Variants in CDK14 observed in about 807,000 individuals in gnomAD.
The protein encoded by CDK14 is cyclin dependent kinase 14, also known as cyclin-dependent kinase 14.
CDK14 carries 34 observed loss-of-function variants against 60.7 expected under a neutral mutation model. The ratio of observed to expected loss-of-function variants is 0.56; its 90% CI spans 0.43 to 0.75. CDK14 has a LOEUF of 0.75. CDK14 is among the 30% of genes least tolerant of loss of function. The pLI is 0.00. For missense variants in CDK14, 482 were observed against 564.1 expected, an observed-to-expected ratio of 0.85 and a Z score of 1.47; for synonymous variants, 197 against 203.7, an observed-to-expected ratio of 0.97 and a Z score of 0.28.
At chr7:90,661,079 T>C (rs545739402) in intron 2 of CDK14, among the ~76,000 whole-genome samples, 20 of 152,276 alleles carry the variant, frequency 1.3e-4, no homozygotes, top group African/African-American at 4.8e-4. Flanking sequence ...ATTCGTCATA[T>C]GGTTATTCCC....
intron 3 of CDK14, among the ~76,000 whole-genome samples, chr7:90,732,948 ATCTTTCCTGCTT>A (rs1221008586): frequency 6.6e-6 from 1 of 151,778 alleles, no homozygotes; most frequent in Non-Finnish European, 1.5e-5. Context: ...TCAATTTTAG[ATCTTTCCTGCTT>A]TCTCTTGTGG....
At position 90,772,455 on chromosome 7, in the gene CDK14, C is replaced by A. The variant is rs184320673; in HGVS notation, c.465-18118C>A. Among the ~76,000 whole-genome samples, 25 of 152,256 alleles carry A rather than the reference C, an allele frequency of 1.6e-4. 1 individual carries two copies. Among genetic ancestry groups the A allele is most frequent in the South Asian group, 1.5e-3 (7 of 4,824 alleles). ...AAATTTAATGTTGAATTGTAACTCC[C>A]AATGTTTGGGGAGGGACCTTGTGGG... On this transcript the variant is annotated intron_variant, in intron 4 of 14. Coordinates refer to ENST00000380050, the MANE Select transcript of CDK14 (RefSeq NM_001287135.2).
chr7:90,680,673 T>A (rs10276479), intron 2 of CDK14, among the ~76,000 whole-genome samples: 38,976 of 152,144 alleles, frequency 0.26, 5,083 homozygotes, highest in African/African-American at 0.29. Flanking sequence ...ATATCAGATA[T>A]GCATAATATG....
intron 4 of CDK14, among the ~76,000 whole-genome samples, chr7:90,771,625 G>A (rs1584875440): frequency 6.6e-6 from 1 of 152,208 alleles, no homozygotes; most frequent in Non-Finnish European, 1.5e-5. Context: ...GGATAGGCTT[G>A]AGAAGATCAC....
chr7:90,746,211 T>C (rs1207717178), intron 3 of CDK14, among the ~76,000 whole-genome samples: 1 of 152,234 alleles, frequency 6.6e-6, no homozygotes. Context: ...TGATTAGATA[T>C]TGGCACTCTT....
intron 2 of CDK14, among the ~76,000 whole-genome samples, chr7:90,697,721 TA>T (rs1801689936): frequency 6.6e-6 from 1 of 152,114 alleles, no homozygotes. Flanking sequence ...GTAGAATATC[TA>T]AATAGTATTA....
At chr7:91,173,218 T>C (rs531672698) in intron 14 of CDK14, among the ~76,000 whole-genome samples, 1 of 152,288 alleles carries the variant, frequency 6.6e-6, no homozygotes, top group South Asian at 2.1e-4. Flanking sequence ...TAGTACTTAT[T>C]CTGTTCTTCC....
chr7:90,615,463 G>C (rs1799631758), intron 2 of CDK14, among the ~76,000 whole-genome samples: 1 of 152,214 alleles, frequency 6.6e-6, no homozygotes, highest in Non-Finnish European at 1.5e-5. Flanking sequence ...TTCTAGTCTA[G>C]CAGATCTCGA....
chr7:90,919,467 A>C (rs1232439818), intron 8 of CDK14, among the ~76,000 whole-genome samples: 2 of 152,156 alleles, frequency 1.3e-5, no homozygotes, highest in Non-Finnish European at 2.9e-5. Context: ...CCAAATTGAA[A>C]TATAATTTTT....
At position 90,790,610 on chromosome 7, in the gene CDK14, C is replaced by T. The variant is rs1373969717; in HGVS notation, c.502C>T (p.Leu168=). 6 of 1,612,774 alleles carry T rather than the reference C, an allele frequency of 3.7e-6. No individual in the cohort carries two copies. The highest frequency in any genetic ancestry group is 5.1e-6 in the Non-Finnish European group (6 of 1,179,154). ...GTTGGTAGCTCTGAAGGTGATCAGG[C>T]TGCAGGAAGAAGAAGGGACACCTTT... ...GKLVALKVIR[L]QEEEGTPFTA... The change falls in exon 5 of 15, where the codon CTG becomes TTG. Residue 168 remains leucine (L), a synonymous_variant. Transcript: ENST00000380050.
intron 2 of CDK14, among the ~76,000 whole-genome samples, chr7:90,691,264 A>G (rs1801546924): frequency 6.6e-6 from 1 of 151,884 alleles, no homozygotes; most frequent in Non-Finnish European, 1.5e-5. Flanking sequence ...GATAATAAAG[A>G]CACAGGTAAA....
intron 2 of CDK14, among the ~76,000 whole-genome samples, chr7:90,715,897 TC>T (rs1449104391): frequency 1.3e-5 from 2 of 151,694 alleles, no homozygotes. Flanking sequence ...ATCTCTTGTG[TC>T]CCATTTCTGA....
chr7:91,182,742 A>G (rs1253847040), intron 14 of CDK14, among the ~76,000 whole-genome samples: 1 of 152,194 alleles, frequency 6.6e-6, no homozygotes, highest in Non-Finnish European at 1.5e-5. Context: ...GGAGAGAACA[A>G]AAGGAAAAAA....
chr7:90,961,986 G>GTTA (rs2117592863), intron 9 of CDK14, among the ~76,000 whole-genome samples: 1 of 152,340 alleles, frequency 6.6e-6, no homozygotes, highest in South Asian at 2.1e-4. Context: ...TAACACATTT[G>GTTA]AGTGTTTAAT....
intron 2 of CDK14, among the ~76,000 whole-genome samples, chr7:90,711,941 C>G (rs1272121355): frequency 7.6e-6 from 1 of 131,150 alleles, no homozygotes; most frequent in African/African-American, 2.9e-5. Context: ...CCAGGTTTGT[C>G]TTGAGCTCCT....
chr7:90,926,938 CT>C (rs1474734041), intron 8 of CDK14, among the ~76,000 whole-genome samples: 1 of 152,034 alleles, frequency 6.6e-6, no homozygotes, highest in Non-Finnish European at 1.5e-5. Context: ...CTTATATTTT[CT>C]GGTTGACTAT....
chr7:91,084,644 C>A (rs956490983), intron 12 of CDK14, among the ~76,000 whole-genome samples: 1 of 152,210 alleles, frequency 6.6e-6, no homozygotes, highest in African/African-American at 2.4e-5. Flanking sequence ...TCATTAATAA[C>A]CCCTGGTGAT....
chr7:90,709,681 A>G (rs1218933880), intron 2 of CDK14: 1 of 1,561,380 alleles, frequency 6.4e-7, no homozygotes, highest in Middle Eastern at 1.7e-4. Context: ...AAAGCTATTG[A>G]TACTGAATGT....
intron 8 of CDK14, among the ~76,000 whole-genome samples, chr7:90,952,576 A>G (rs1315094082): frequency 1.3e-5 from 2 of 152,196 alleles, no homozygotes; most frequent in African/African-American, 2.4e-5. Context: ...TTAGGTGCCC[A>G]TCGGAATTGT....
Sources: allele counts gnomAD v4.1 joint callset (sites outside exome capture counted in the v4.1 genomes callset), GRCh38; gene constraint gnomAD v4.1.1; transcripts MANE v1.5; gene names NCBI Gene and HGNC (gene_info 2026-07-23, HGNC 2026-07-21).